Variants in WDPCP observed in about 807,000 individuals in gnomAD.
WDPCP encodes the protein WD repeat-containing and planar cell polarity effector protein fritz homolog.
WDPCP carries 71 observed loss-of-function variants against 93.1 expected under a neutral mutation model. The observed-to-expected ratio is 0.76, with a 90% CI of 0.63 to 0.93. The LOEUF is 0.93. WDPCP is among the 40% of genes least tolerant of loss of function. The pLI, the probability that WDPCP is intolerant of heterozygous loss-of-function variation, is 0.00. For synonymous variants in WDPCP, 315 were observed against 315.0 expected, an observed-to-expected ratio of 1.00 and a Z score of 0.00; for missense variants, 844 against 887.4, an observed-to-expected ratio of 0.95 and a Z score of 0.62.
chr2:63,433,754 T>G lies in WDPCP; in HGVS notation c.816A>C (p.Gly272=). Residue 272 remains glycine, a synonymous_variant, in exon 9 of 18, where the codon GGA becomes GGC. Transcript: ENST00000272321. ...ANLLLLGYAQ[G]RLEVLSSVRT... is the part of the protein sequence containing the mutation. ...TTTGTTTTAGATTTACCTCTAGTCT[T>G]CCTTGAGCATAACCCAGGAGGAGTA... 6.2e-7 allele frequency: 1 copy of G among 1,613,012 alleles called. No individual in the cohort carries two copies. The highest frequency in any genetic ancestry group is 1.1e-5 in the South Asian group (1 of 90,770).
At chr2:63,553,180 C>T (rs188228312) in intron 1 of WDPCP, among the ~76,000 whole-genome samples, 3 of 152,272 alleles carry the variant, frequency 2.0e-5, no homozygotes, top group Admixed American at 6.5e-5. Context: ...TTTAATTTTA[C>T]GAGCTTTTGC....
At chr2:63,147,135 A>G (rs1274521476) in intron 17 of WDPCP, among the ~76,000 whole-genome samples, 1 of 152,178 alleles carries the variant, frequency 6.6e-6, no homozygotes, top group Non-Finnish European at 1.5e-5. Flanking sequence ...ACTGGAAAGC[A>G]CAGGTTAGTT....
intron 1 of WDPCP, among the ~76,000 whole-genome samples, chr2:63,493,685 G>A (rs1399419175): frequency 6.6e-6 from 1 of 151,448 alleles, no homozygotes; most frequent in Non-Finnish European, 1.5e-5. Context: ...ATTGGGAGAA[G>A]GCTAGTCTGC....
intron 14 of WDPCP, among the ~76,000 whole-genome samples, chr2:63,230,220 A>G (rs533483493): frequency 1.3e-5 from 2 of 152,000 alleles, no homozygotes; most frequent in South Asian, 4.2e-4. Context: ...TTTGCTCAGA[A>G]TGATGGTTTC....
chr2:63,595,366 T>C (rs1709287743), intron 3 of WDPCP: 1 of 1,064,378 alleles, frequency 9.4e-7, no homozygotes, highest in East Asian at 2.4e-5. Context: ...GAAAAGACTT[T>C]CTTGTGTCTA....
chr2:63,481,276 CTT>C (rs1341036406), intron 6 of WDPCP, among the ~76,000 whole-genome samples: 1 of 151,910 alleles, frequency 6.6e-6, no homozygotes, highest in Non-Finnish European at 1.5e-5. Flanking sequence ...AAAGGAAACA[CTT>C]TTACACTGCT....
At chr2:63,285,479 T>C (rs1683926070) in intron 13 of WDPCP, among the ~76,000 whole-genome samples, 1 of 151,132 alleles carries the variant, frequency 6.6e-6, no homozygotes, top group East Asian at 1.9e-4. Flanking sequence ...CAGAGATTAT[T>C]GTACTAGATG....
chr2:63,525,036 T>A (rs897811206), intron 1 of WDPCP, among the ~76,000 whole-genome samples: 1 of 152,130 alleles, frequency 6.6e-6, no homozygotes, highest in Non-Finnish European at 1.5e-5. Context: ...AAATGTGGTA[T>A]AGATACACAA....
At chr2:63,284,963 C>G (rs1358113328) in intron 13 of WDPCP, among the ~76,000 whole-genome samples, 1 of 151,482 alleles carries the variant, frequency 6.6e-6, no homozygotes, top group Non-Finnish European at 1.5e-5. Flanking sequence ...GCTAATAAAC[C>G]AAAATAGAAG....
At chr2:63,142,867 CACAT>C (rs1284518138) in intron 17 of WDPCP, among the ~76,000 whole-genome samples, 2 of 149,362 alleles carry the variant, frequency 1.3e-5, no homozygotes, top group African/African-American at 4.9e-5. Context: ...TATATATACA[CACAT>C]ACATATATAC....
chr2:63,638,330 TAC>T (rs59283182), intron 3 of WDPCP, among the ~76,000 whole-genome samples: 55 of 149,452 alleles, frequency 3.7e-4, no homozygotes, highest in Admixed American at 4.7e-4. Context: ...CTCTCTCACA[TAC>T]ACACACACAC....
intron 12 of WDPCP, among the ~76,000 whole-genome samples, chr2:63,313,869 TATATATATATATATATA>T (rs1265336727): frequency 3.9e-5 from 2 of 50,814 alleles, no homozygotes; most frequent in South Asian, 7.7e-4. Flanking sequence ...TATATATATA[TATATATATATATATATA>T]TTTTTTTTTT....
intron 2 of WDPCP, among the ~76,000 whole-genome samples, chr2:63,695,797 T>A (rs1477823056): frequency 6.6e-6 from 1 of 152,176 alleles, no homozygotes; most frequent in Non-Finnish European, 1.5e-5. Flanking sequence ...AGCAACATGG[T>A]TTCCCAGAGC....
intron 17 of WDPCP, 74 bp from the exon 18 acceptor site, chr2:63,122,130 T>C (rs1047907633): frequency 1.1e-5 from 13 of 1,225,256 alleles, no homozygotes; most frequent in Non-Finnish European, 1.3e-5. Flanking sequence ...ATCTTTATTA[T>C]TTTTAAGTAC....
chr2:63,321,181 A>T (rs1417462208), intron 12 of WDPCP, among the ~76,000 whole-genome samples: 1 of 152,162 alleles, frequency 6.6e-6, no homozygotes, highest in Non-Finnish European at 1.5e-5. Context: ...TTATATTAAC[A>T]GTTGCTTTTA....
intron 17 of WDPCP, among the ~76,000 whole-genome samples, chr2:63,150,785 GA>G (rs1328296430): frequency 1.3e-5 from 2 of 152,156 alleles, no homozygotes; most frequent in African/African-American, 2.4e-5. Flanking sequence ...AGTTGATTAA[GA>G]GAAATATGTT....
At chr2:63,245,777 T>A (rs906491880) in intron 14 of WDPCP, among the ~76,000 whole-genome samples, 11 of 152,174 alleles carry the variant, frequency 7.2e-5, no homozygotes, top group African/African-American at 2.4e-4. Context: ...TTATTACTTT[T>A]AATTATGGGC....
intron 17 of WDPCP, among the ~76,000 whole-genome samples, chr2:63,149,932 T>C (rs561208505): frequency 6.7e-4 from 102 of 152,220 alleles, no homozygotes; most frequent in Non-Finnish European, 1.2e-3. Flanking sequence ...GCCCAGGAGT[T>C]TGAGGTTACA....
chr2:63,350,868 C>T (rs1426477067), intron 12 of WDPCP, among the ~76,000 whole-genome samples: 3 of 151,990 alleles, frequency 2.0e-5, no homozygotes, highest in South Asian at 2.1e-4. Flanking sequence ...TTAGACCTTT[C>T]CTCCCTCCCT....
Sources: gnomAD v4.1 joint callset for allele counts (sites outside exome capture counted in the v4.1 genomes callset) on GRCh38, gnomAD v4.1.1 for gene constraint, MANE v1.5 for transcripts, NCBI Gene and HGNC (gene_info 2026-07-23, HGNC 2026-07-21) for gene names.